GABRB1: variants seen among roughly 807,000 people sequenced by gnomAD.
GABRB1 encodes gamma-aminobutyric acid type A receptor subunit beta1.
In GABRB1, 17 loss-of-function variants were observed where a neutral mutation model predicts 51.6. The observed-to-expected ratio is 0.33, with a 90% CI of 0.23 to 0.49. The LOEUF (loss-of-function observed/expected upper bound fraction) is 0.49, where lower values mean the gene tolerates loss of function less well. Ranked by LOEUF, GABRB1 falls within the 20% of genes least tolerant of loss-of-function variation. GABRB1 has a pLI of 0.99. For synonymous variants in GABRB1, 247 were observed against 218.9 expected (o/e 1.13, Z -1.14); for missense variants, 410 against 600.6 (o/e 0.68, Z 3.32).
At position 47,289,684 on chromosome 4, in the gene GABRB1, C is replaced by G. The variant is rs549864697; in HGVS notation, c.462-30443C>G. Among the ~76,000 whole-genome samples, 29 of 152,294 alleles carry G rather than the reference C, an allele frequency of 1.9e-4. No homozygotes were observed. In the South Asian group the frequency reaches 5.6e-3, roughly 29 times the overall value. On this transcript the variant is annotated intron_variant, in intron 4 of 8. Transcript: ENST00000295454. The stretch of plus-strand genomic sequence containing the variant: ...GTGTACTGGATGAGTGATGGAAACC[C>G]ATGCATGACATAAGATGCTTTATTG...
chr4:47,027,456 A>G (rs1234232676), upstream of GABRB1, among the ~76,000 whole-genome samples: 1 of 151,684 alleles, frequency 6.6e-6, no homozygotes, highest in Non-Finnish European at 1.5e-5. Context: ...TATATAAATA[A>G]GAAGAGCTGA....
At chr4:47,378,747 A>G (rs1251310661) in intron 5 of GABRB1, among the ~76,000 whole-genome samples, 1 of 151,928 alleles carries the variant, frequency 6.6e-6, no homozygotes, top group African/African-American at 2.4e-5. Flanking sequence ...CAGCTCCCCA[A>G]AGTGCTAGGA....
In GABRB1 at chr4:47,298,305, T is replaced by G. The variant is rs572039685; in HGVS notation, c.462-21822T>G. ...AAAAGAGGAAGTCAAATTGTCCCTG[T>G]TTGCAGATGACATGATTGTGTATCT... is the stretch of plus-strand genomic sequence containing the variant. On this transcript the variant is annotated intron_variant, in intron 4 of 8. Coordinates refer to ENST00000295454, the MANE Select transcript of GABRB1 (RefSeq NM_000812.4). 2.2e-4 allele frequency among the ~76,000 whole-genome samples: 34 copies of G among 152,306 alleles called. 1 individual carries two copies. The South Asian group carries it at 7.0e-3, about 32-fold the overall frequency.
intron 4 of GABRB1, among the ~76,000 whole-genome samples, chr4:47,206,066 A>G (rs144249589): frequency 6.6e-6 from 1 of 151,958 alleles, no homozygotes; most frequent in Non-Finnish European, 1.5e-5. Flanking sequence ...TAAAAAAAAA[A>G]TAGCACTGAA....
At chr4:47,097,342 G>A (rs973817100) in intron 3 of GABRB1, among the ~76,000 whole-genome samples, 11 of 152,060 alleles carry the variant, frequency 7.2e-5, no homozygotes, top group African/African-American at 2.7e-4. Flanking sequence ...GTCTCTACAC[G>A]GAAAAATCAC....
At chr4:47,111,066 C>T (rs1329269000) in intron 3 of GABRB1, among the ~76,000 whole-genome samples, 5 of 151,836 alleles carry the variant, frequency 3.3e-5, no homozygotes, top group African/African-American at 1.2e-4. Context: ...TCTCTCAGTG[C>T]GATATGGAAA....
rs185004110 is a variant in GABRB1 at position 47,125,987 on chromosome 4, C to T, written c.241-35262C>T. Among the ~76,000 whole-genome samples the T allele has an allele frequency of 4.7e-4, 71 of 150,496 alleles. No individual in the cohort carries two copies. The East Asian group carries it at 8.8e-3, about 19-fold the overall frequency. The stretch of plus-strand genomic sequence containing the variant: ...TAAGGCTGGATTGTGCATATATTGC[C>T]TAATATTGCATTGTGTCTATATATG... On this transcript the variant is annotated intron_variant, in intron 3 of 8. Coordinates refer to ENST00000295454, the MANE Select transcript of GABRB1 (RefSeq NM_000812.4).
At chr4:47,200,079 T>C (rs1409766745) in intron 4 of GABRB1, among the ~76,000 whole-genome samples, 1 of 152,128 alleles carries the variant, frequency 6.6e-6, no homozygotes. Context: ...AAAGGAGTGA[T>C]CATAATGTCT....
chr4:47,111,471 C>T (rs1577917100), intron 3 of GABRB1, among the ~76,000 whole-genome samples: 1 of 151,778 alleles, frequency 6.6e-6, no homozygotes, highest in Admixed American at 6.6e-5. Flanking sequence ...TTAATCTTTC[C>T]TAATGGCACT....
intron 4 of GABRB1, among the ~76,000 whole-genome samples, chr4:47,316,601 T>G (rs76787691): frequency 0.063 from 9,595 of 151,978 alleles, 503 homozygotes; most frequent in East Asian, 0.28. Flanking sequence ...GCTGCCAGGT[T>G]AAATTATGCA....
At chr4:47,169,409 CT>C (rs1718346253) in intron 4 of GABRB1, among the ~76,000 whole-genome samples, 2 of 152,096 alleles carry the variant, frequency 1.3e-5, no homozygotes, top group Non-Finnish European at 2.9e-5. Context: ...GTCTCATATT[CT>C]TATACCTTCC....
chr4:47,174,724 C>G (rs1718590234), intron 4 of GABRB1, among the ~76,000 whole-genome samples: 1 of 152,088 alleles, frequency 6.6e-6, no homozygotes, highest in African/African-American at 2.4e-5. Context: ...ATTGCCATCA[C>G]AAGTTGCAGA....
intron 4 of GABRB1, among the ~76,000 whole-genome samples, chr4:47,246,397 AAAT>A (rs1560295825): frequency 4.6e-4 from 30 of 65,620 alleles, no homozygotes; most frequent in African/African-American, 1.6e-3. Flanking sequence ...TATATATATA[AAAT>A]ACCACAGTTT....
At chr4:47,188,303 G>A (rs1284909957) in intron 4 of GABRB1, among the ~76,000 whole-genome samples, 3 of 151,998 alleles carry the variant, frequency 2.0e-5, no homozygotes, top group African/African-American at 7.2e-5. Flanking sequence ...TAGTTCACAA[G>A]CTACTCAGTG....
At chr4:47,206,505 C>G (rs959801503) in intron 4 of GABRB1, among the ~76,000 whole-genome samples, 1 of 151,908 alleles carries the variant, frequency 6.6e-6, no homozygotes, top group African/African-American at 2.4e-5. Flanking sequence ...TATTTTGAAG[C>G]ATAATGAATA....
At chr4:47,166,096 G>T (rs1035976239) in intron 4 of GABRB1, among the ~76,000 whole-genome samples, 3 of 151,830 alleles carry the variant, frequency 2.0e-5, no homozygotes, top group Admixed American at 6.6e-5. Context: ...AAAAAAAATG[G>T]TTCCTCTTTC....
chr4:47,355,512 G>A (rs1182581445), intron 5 of GABRB1, among the ~76,000 whole-genome samples: 1 of 152,138 alleles, frequency 6.6e-6, no homozygotes, highest in African/African-American at 2.4e-5. Context: ...GAAGGTGGGG[G>A]TAGAGAATTG....
At chr4:47,125,236 G>A (rs1382234912) in intron 3 of GABRB1, among the ~76,000 whole-genome samples, 3 of 152,026 alleles carry the variant, frequency 2.0e-5, no homozygotes, top group African/African-American at 4.8e-5. Flanking sequence ...CAAAGCTCTG[G>A]GAGAGATATG....
chr4:47,046,578 C>T (rs1335320663), intron 3 of GABRB1, among the ~76,000 whole-genome samples: 1 of 152,040 alleles, frequency 6.6e-6, no homozygotes, highest in African/African-American at 2.4e-5. Flanking sequence ...TATGAGATCA[C>T]AGTGACCCTG....
Sources: gnomAD v4.1 joint callset for allele counts (sites outside exome capture counted in the v4.1 genomes callset) on GRCh38, gnomAD v4.1.1 for gene constraint, MANE v1.5 for transcripts, NCBI Gene and HGNC (gene_info 2026-07-23, HGNC 2026-07-21) for gene names.